STARD13: variants seen among roughly 807,000 people sequenced by gnomAD.
The protein encoded by STARD13 is stAR-related lipid transfer protein 13.
A neutral mutation model predicts 106.4 loss-of-function variants in STARD13; 62 were observed. That is an observed-to-expected ratio of 0.58 (90% CI 0.48 to 0.72). The LOEUF (loss-of-function observed/expected upper bound fraction) is 0.72. Ranked by LOEUF, STARD13 falls within the 30% of genes least tolerant of loss-of-function variation. The probability of loss-of-function intolerance (pLI) is 0.00; values close to 1 mark genes in which losing one functional copy is unlikely to be tolerated. For missense variants in STARD13, 1,387 were observed against 1,424.0 expected, an observed-to-expected ratio of 0.97 and a Z score of 0.42; for synonymous variants, 565 against 553.0, an observed-to-expected ratio of 1.02 and a Z score of -0.31.
chr13:33,636,144 A>G, the STARD13 span, among the ~76,000 whole-genome samples: 2 of 151,030 alleles, frequency 1.3e-5, no homozygotes, highest in East Asian at 3.9e-4. Context: ...TGTCTCAAAA[A>G]AAAAAAAAAA....
At chr13:33,431,088 G>C in the STARD13 span, among the ~76,000 whole-genome samples, 3 of 152,150 alleles carry the variant, frequency 2.0e-5, no homozygotes, top group East Asian at 5.8e-4. Flanking sequence ...CTAGCATAGA[G>C]ACAAGACACA....
At chr13:33,204,941 C>T (rs920591511) in intron 1 of STARD13, among the ~76,000 whole-genome samples, 8 of 152,216 alleles carry the variant, frequency 5.3e-5, no homozygotes, top group Non-Finnish European at 8.8e-5. Context: ...AGTCCCTTTC[C>T]GCCTGTGTAA....
chr13:33,395,830 A>T, the STARD13 span, among the ~76,000 whole-genome samples: 1 of 152,082 alleles, frequency 6.6e-6, no homozygotes, highest in African/African-American at 2.4e-5. Context: ...CTCCTTTTAA[A>T]CATTTATTTA....
the STARD13 span, among the ~76,000 whole-genome samples, chr13:33,668,398 C>A: frequency 6.6e-6 from 1 of 152,152 alleles, no homozygotes; most frequent in Admixed American, 6.5e-5. Flanking sequence ...TCACCAGCAA[C>A]CTGGTGGTGG....
intron 2 of STARD13, among the ~76,000 whole-genome samples, chr13:33,165,987 C>T (rs1043776555): frequency 6.6e-6 from 1 of 152,124 alleles, no homozygotes. Flanking sequence ...CTTTGAAGGT[C>T]ACAGGCAATA....
chr13:33,225,263 A>G (rs901875504), intron 1 of STARD13, among the ~76,000 whole-genome samples: 1 of 152,188 alleles, frequency 6.6e-6, no homozygotes, highest in Admixed American at 6.5e-5. Context: ...ATACATGGGA[A>G]ATAGGGCCAT....
the STARD13 span, among the ~76,000 whole-genome samples, chr13:33,535,168 T>C: frequency 6.6e-6 from 1 of 152,006 alleles, no homozygotes; most frequent in Admixed American, 6.6e-5. Flanking sequence ...TGAGCCGAGA[T>C]CATGCCATTG....
chr13:33,605,299 T>A, the STARD13 span, among the ~76,000 whole-genome samples: 6 of 150,994 alleles, frequency 4.0e-5, no homozygotes, highest in Non-Finnish European at 7.4e-5. Context: ...CTCAGGCTGC[T>A]CTCAAACTCC....
intron 1 of STARD13, among the ~76,000 whole-genome samples, chr13:33,239,206 T>A (rs1339573454): frequency 6.6e-6 from 1 of 152,130 alleles, no homozygotes; most frequent in Non-Finnish European, 1.5e-5. Context: ...ATAACAAGAT[T>A]TCCTTCTTTT....
the STARD13 span, among the ~76,000 whole-genome samples, chr13:33,513,121 T>C: frequency 6.6e-6 from 1 of 152,214 alleles, no homozygotes; most frequent in African/African-American, 2.4e-5. Context: ...AAATATTTAC[T>C]ATCTGGCCCT....
chr13:33,108,040 A>G (rs1035318025), intron 12 of STARD13, among the ~76,000 whole-genome samples: 4 of 152,224 alleles, frequency 2.6e-5, no homozygotes, highest in South Asian at 2.1e-4. Context: ...TGCTGTGACT[A>G]CTCTTTTCAT....
chr13:33,199,770 G>C (rs1886884613), intron 1 of STARD13, among the ~76,000 whole-genome samples: 1 of 152,146 alleles, frequency 6.6e-6, no homozygotes, highest in Non-Finnish European at 1.5e-5. Context: ...TCTTTTCATG[G>C]AGTAATTTAT....
At chr13:33,528,257 C>CATATATATGT in the STARD13 span, among the ~76,000 whole-genome samples, 2 of 92,930 alleles carry the variant, frequency 2.2e-5, no homozygotes, top group Admixed American at 1.1e-4. Context: ...TATATATATA[C>CATATATATGT]ATATATATAT....
the STARD13 span, among the ~76,000 whole-genome samples, chr13:33,520,587 GC>G: frequency 6.6e-6 from 1 of 152,058 alleles, no homozygotes; most frequent in Non-Finnish European, 1.5e-5. Flanking sequence ...CATTCAGCTT[GC>G]CCCTCGGGTA....
intron 1 of STARD13, among the ~76,000 whole-genome samples, chr13:33,270,982 A>C (rs1891131317): frequency 6.6e-6 from 1 of 152,166 alleles, no homozygotes; most frequent in South Asian, 2.1e-4. Flanking sequence ...TCAGTTCATC[A>C]ATCTCTTTAT....
the STARD13 span, among the ~76,000 whole-genome samples, chr13:33,424,134 A>C: frequency 5.9e-5 from 9 of 152,138 alleles, no homozygotes; most frequent in Non-Finnish European, 1.0e-4. Context: ...ACAAAAAAAA[A>C]ATCTGTTATA....
the STARD13 span, among the ~76,000 whole-genome samples, chr13:33,400,004 T>C: frequency 2.6e-5 from 4 of 152,138 alleles, no homozygotes; most frequent in African/African-American, 7.2e-5. Flanking sequence ...TACATATACA[T>C]TGTGTAATGA....
chr13:33,121,566 T>C (rs1593883968), intron 7 of STARD13, among the ~76,000 whole-genome samples: 2 of 108,066 alleles, frequency 1.9e-5, no homozygotes, highest in African/African-American at 6.6e-5. Context: ...AGACTCCACC[T>C]CAAAAAAAAA....
At chr13:33,264,165 C>A (rs2138335352) in intron 1 of STARD13, among the ~76,000 whole-genome samples, 1 of 152,324 alleles carries the variant, frequency 6.6e-6, no homozygotes, top group South Asian at 2.1e-4. Context: ...GTTCCTGGAG[C>A]CCAGTCACTG....
Sources: gnomAD v4.1 joint callset for allele counts (sites outside exome capture counted in the v4.1 genomes callset) on GRCh38, gnomAD v4.1.1 for gene constraint, MANE v1.5 for transcripts, NCBI Gene and HGNC (gene_info 2026-07-23, HGNC 2026-07-21) for gene names.